Variants in SPTLC3 observed in about 807,000 individuals in gnomAD.
The protein encoded by SPTLC3 is serine palmitoyltransferase long chain base subunit 3.
SPTLC3 carries 36 observed loss-of-function variants against 59.3 expected under a neutral mutation model. The observed-to-expected ratio is 0.61, with a 90% CI of 0.47 to 0.80. The LOEUF (loss-of-function observed/expected upper bound fraction) is 0.80. SPTLC3 is among the 30% of genes least tolerant of loss of function. SPTLC3 has a pLI of 0.00. For missense variants in SPTLC3, 625 were observed against 685.1 expected (o/e 0.91, Z 0.98); for synonymous variants, 257 against 240.8 (o/e 1.07, Z -0.62).
At chr20:13,065,317 A>C (rs1007213887) in intron 2 of SPTLC3, among the ~76,000 whole-genome samples, 5 of 150,490 alleles carry the variant, frequency 3.3e-5, no homozygotes, top group Admixed American at 6.6e-5. Flanking sequence ...GATACATAAA[A>C]GTCCTTGGCT....
intron 2 of SPTLC3, among the ~76,000 whole-genome samples, chr20:13,065,270 T>G (rs1322641789): frequency 6.6e-6 from 1 of 151,546 alleles, no homozygotes; most frequent in Non-Finnish European, 1.5e-5. Context: ...TTAGAGTTTT[T>G]TTTTTTTTTT....
At chr20:13,013,697 A>T (rs772073667) in intron 1 of SPTLC3, among the ~76,000 whole-genome samples, 2 of 152,212 alleles carry the variant, frequency 1.3e-5, no homozygotes, top group Non-Finnish European at 2.9e-5. Flanking sequence ...CCCTCCATTT[A>T]TAAATAGCTC....
At chr20:13,129,614 C>G (rs1004154504) in intron 9 of SPTLC3, among the ~76,000 whole-genome samples, 1 of 152,174 alleles carries the variant, frequency 6.6e-6, no homozygotes, top group Admixed American at 6.5e-5. Flanking sequence ...CACTCATTTC[C>G]GGAGTCCTTT....
intron 1 of SPTLC3, among the ~76,000 whole-genome samples, chr20:13,032,882 T>A (rs1010688364): frequency 6.6e-6 from 1 of 152,138 alleles, no homozygotes; most frequent in Non-Finnish European, 1.5e-5. Flanking sequence ...TCTTATGAAC[T>A]GACCTGATTA....
intron 1 of SPTLC3, among the ~76,000 whole-genome samples, chr20:13,041,190 CTCTT>C (rs1442639834): frequency 1.3e-5 from 2 of 152,100 alleles, no homozygotes; most frequent in African/African-American, 4.8e-5. Context: ...TTTCTCTCCT[CTCTT>C]TCTAACACTC....
At chr20:13,114,217 G>A (rs1010397779) in intron 7 of SPTLC3, among the ~76,000 whole-genome samples, 1 of 152,166 alleles carries the variant, frequency 6.6e-6, no homozygotes, top group South Asian at 2.1e-4. Flanking sequence ...GCATTGAAAC[G>A]TAAAACCCAA....
At chr20:13,163,473 A>G (rs6041929) in intron 11 of SPTLC3, among the ~76,000 whole-genome samples, 3,582 of 152,088 alleles carry the variant, frequency 0.024, 67 homozygotes, top group South Asian at 0.033. Context: ...CACTTTGGAT[A>G]CCACTGAACT....
chr20:13,082,793 A>G (rs1227853641), intron 4 of SPTLC3, among the ~76,000 whole-genome samples: 1 of 152,208 alleles, frequency 6.6e-6, no homozygotes, highest in African/African-American at 2.4e-5. Context: ...TCCTTCCTTT[A>G]GACTAAAAAA....
intron 2 of SPTLC3, among the ~76,000 whole-genome samples, chr20:13,059,064 G>A (rs1987843399): frequency 6.6e-6 from 1 of 152,186 alleles, no homozygotes. Flanking sequence ...CACCAGCAAG[G>A]TTCTGTGGAG....
intron 2 of SPTLC3, 71 bp downstream of exon 2, chr20:13,049,201 T>A (rs749354442): frequency 6.5e-6 from 10 of 1,542,850 alleles, no homozygotes; most frequent in Non-Finnish European, 8.9e-6. Flanking sequence ...GAAGTGGTGA[T>A]GCAGGTGCAG....
chr20:13,045,966 CTG>C (rs1316827256), intron 1 of SPTLC3, among the ~76,000 whole-genome samples: 1 of 152,116 alleles, frequency 6.6e-6, no homozygotes, highest in East Asian at 1.9e-4. Flanking sequence ...AAGAGAAAAC[CTG>C]CTGATTGCCA....
intron 9 of SPTLC3, among the ~76,000 whole-genome samples, chr20:13,152,459 G>A (rs144848962): frequency 6.9e-4 from 105 of 152,254 alleles, no homozygotes; most frequent in Non-Finnish European, 1.0e-3. Context: ...AAATGGTCTG[G>A]CACAGCTGGA....
chr20:13,150,574 A>G (rs1250110293), intron 9 of SPTLC3, among the ~76,000 whole-genome samples: 1 of 152,218 alleles, frequency 6.6e-6, no homozygotes, highest in African/African-American at 2.4e-5. Flanking sequence ...AAGGAACACT[A>G]TTCTATGTCC....
intron 6 of SPTLC3, among the ~76,000 whole-genome samples, chr20:13,094,513 T>C (rs887979661): frequency 6.6e-6 from 1 of 152,130 alleles, no homozygotes; most frequent in Non-Finnish European, 1.5e-5. Context: ...TGTTCCTCTT[T>C]CCTAGCTCTC....
intron 4 of SPTLC3, among the ~76,000 whole-genome samples, chr20:13,080,691 C>T (rs557690603): frequency 6.6e-6 from 1 of 152,046 alleles, no homozygotes; most frequent in Non-Finnish European, 1.5e-5. Flanking sequence ...AGAGCACTCT[C>T]ATATACCATT....
At chr20:13,031,285 G>A (rs919584242) in intron 1 of SPTLC3, among the ~76,000 whole-genome samples, 5 of 152,150 alleles carry the variant, frequency 3.3e-5, no homozygotes, top group African/African-American at 7.2e-5. Flanking sequence ...TAGTGCAATC[G>A]AAGATCTCAA....
At chr20:13,030,168 C>A (rs1986364623) in intron 1 of SPTLC3, among the ~76,000 whole-genome samples, 1 of 152,208 alleles carries the variant, frequency 6.6e-6, no homozygotes, top group African/African-American at 2.4e-5. Context: ...ATCCATGAGT[C>A]ACTGGCTGCC....
At chr20:13,071,136 A>C (rs1988420377) in intron 2 of SPTLC3, among the ~76,000 whole-genome samples, 2 of 152,198 alleles carry the variant, frequency 1.3e-5, no homozygotes, top group Admixed American at 1.3e-4. Context: ...CTCCAAGAAT[A>C]CTCGCAGGAG....
chr20:13,084,084 C>T (rs1254029163), intron 4 of SPTLC3, among the ~76,000 whole-genome samples: 1 of 152,164 alleles, frequency 6.6e-6, no homozygotes, highest in East Asian at 1.9e-4. Flanking sequence ...GCTTCGCATA[C>T]CTTGATTCCT....
Sources: allele counts gnomAD v4.1 joint callset (sites outside exome capture counted in the v4.1 genomes callset), GRCh38; gene constraint gnomAD v4.1.1; transcripts MANE v1.5; gene names NCBI Gene and HGNC (gene_info 2026-07-23, HGNC 2026-07-21).